Variants in METTL9 observed in about 807,000 individuals in gnomAD.
METTL9 encodes protein-L-histidine N-pros-methyltransferase.
Under a neutral mutation model 36.0 loss-of-function variants are expected in METTL9, and 10 were observed. That is an observed-to-expected ratio of 0.28 (90% CI 0.17 to 0.47). The LOEUF (loss-of-function observed/expected upper bound fraction) is 0.47. METTL9 is among the 20% of genes least tolerant of loss of function. The probability of loss-of-function intolerance (pLI) is 0.99; values close to 1 mark genes in which losing one functional copy is unlikely to be tolerated. For missense variants in METTL9, 246 were observed against 383.5 expected (o/e 0.64, Z 3.00); for synonymous variants, 175 against 149.7 (o/e 1.17, Z -1.23).
At chr16:21,647,088 G>C in intron 4 of METTL9, 1 of 1,613,258 alleles carries the variant, frequency 6.2e-7, no homozygotes. Context: ...TTACAGGCCT[G>C]AACAAGATGC....
intron 4 of METTL9, chr16:21,627,013 T>C: frequency 1.0e-6 from 1 of 985,432 alleles, no homozygotes; most frequent in Middle Eastern, 5.2e-4. Flanking sequence ...ATTGTGGATG[T>C]GCAGAGCTGC....
intron 3 of METTL9, among the ~76,000 whole-genome samples, chr16:21,620,604 A>G (rs1036320036): frequency 1.3e-5 from 2 of 152,220 alleles, no homozygotes; most frequent in Admixed American, 6.5e-5. Context: ...TGGAGTGTAC[A>G]TGGTATGTAA....
chr16:21,636,979 CGCTGACTTCAGGAGT>C (rs1398651091), intron 4 of METTL9, among the ~76,000 whole-genome samples: 13 of 152,140 alleles, frequency 8.5e-5, no homozygotes, highest in Admixed American at 7.9e-4. Context: ...TTCTTGGTCT[CGCTGACTTCAGGAGT>C]GAAGCTGCAG....
chr16:21,655,503 C>T lies in METTL9; in HGVS notation c.*71C>T. On this transcript the variant is annotated 3_prime_UTR_variant, in exon 5 of 5. Coordinates refer to ENST00000358154, the MANE Select transcript of METTL9 (RefSeq NM_016025.5). ...GCCCTTGGAAGAGGGTCTGTGTTCACAATTACGTGAAGGGAGGACCCTTGG... is the reference window on the plus strand; with the variant it reads ...GCCCTTGGAAGAGGGTCTGTGTTCATAATTACGTGAAGGGAGGACCCTTGG... 7.4e-7 allele frequency: 1 copy of T among 1,353,022 alleles called. No individual in the cohort carries two copies. The highest frequency in any genetic ancestry group is 1.3e-5 in the South Asian group (1 of 75,344). The allele number at this position is 1,353,022 out of a possible 1,614,324, so 83.8% of individuals were successfully genotyped here.
intron 1 of METTL9, among the ~76,000 whole-genome samples, chr16:21,605,530 C>T (rs1965261814): frequency 6.6e-6 from 1 of 151,866 alleles, no homozygotes; most frequent in South Asian, 2.1e-4. Flanking sequence ...CAGGCGTGAG[C>T]CACTGCTCCT....
intron 4 of METTL9, chr16:21,644,391 T>G: frequency 6.2e-7 from 1 of 1,608,988 alleles, no homozygotes; most frequent in South Asian, 1.1e-5. Flanking sequence ...CTGAGCAGCT[T>G]AATTTCTTAA....
chr16:21,619,587 ATTTTTTT>A (rs35728063), intron 3 of METTL9, among the ~76,000 whole-genome samples: 107 of 124,220 alleles, frequency 8.6e-4, no homozygotes, highest in Admixed American at 1.1e-3. Flanking sequence ...TGCCCGGCTA[ATTTTTTT>A]TTTTTTTTTT....
chr16:21,605,782 T>G (rs144476839), intron 1 of METTL9, among the ~76,000 whole-genome samples: 1 of 152,286 alleles, frequency 6.6e-6, no homozygotes, highest in Non-Finnish European at 1.5e-5. Flanking sequence ...ACATCAGCCA[T>G]TCTCTAATTT....
intron 4 of METTL9, chr16:21,644,430 T>C (rs1325171206): frequency 7.1e-7 from 1 of 1,408,032 alleles, no homozygotes; most frequent in Admixed American, 1.7e-5. Flanking sequence ...GCACATTGAC[T>C]ATTAAAGCCT....
intron 4 of METTL9, chr16:21,652,346 A>G: frequency 4.1e-6 from 2 of 490,164 alleles, no homozygotes; most frequent in South Asian, 3.8e-5. Flanking sequence ...TTAATATGAA[A>G]CTTTTTCTCA....
intron 4 of METTL9, among the ~76,000 whole-genome samples, chr16:21,635,102 CT>C (rs1235509493): frequency 6.6e-6 from 1 of 152,150 alleles, no homozygotes; most frequent in Non-Finnish European, 1.5e-5. Flanking sequence ...AGGGTTTGAT[CT>C]AACAGTAGCA....
intron 2 of METTL9, among the ~76,000 whole-genome samples, chr16:21,613,928 T>C (rs1221540175): frequency 6.6e-6 from 1 of 151,458 alleles, no homozygotes; most frequent in Admixed American, 6.6e-5. Flanking sequence ...ACAGGCTCAA[T>C]GGTTAAGAAG....
At position 21,629,430 on chromosome 16, in the gene METTL9, C is replaced by T. The variant is rs535827410; in HGVS notation, c.751+4315C>T. ...AGCAGCCTGTACCTAGAAAGAGGGT[C>T]CTCACCAGAACTCATAAATTTCTAT... On this transcript the variant is annotated intron_variant, in intron 4 of 4. Coordinates refer to ENST00000358154, the MANE Select transcript of METTL9 (RefSeq NM_016025.5). 5.9e-5 allele frequency among the ~76,000 whole-genome samples: 9 copies of T among 152,234 alleles called. No homozygotes were observed. The South Asian group carries it at 1.9e-3, about 31-fold the overall frequency.
chr16:21,620,921 T>G lies in METTL9; in HGVS notation c.566+2847T>G, dbSNP rs990663223. ...TCTTCCTTTTGAGATTAGAGCTATT[T>G]TCTATTTCTCTTCAATATCTGGGCC... On this transcript the variant is annotated intron_variant, in intron 3 of 4. Transcript: ENST00000358154. Among the ~76,000 whole-genome samples the G allele has an allele frequency of 1.3e-4, 20 of 152,170 alleles. 1 individual carries two copies. Among genetic ancestry groups the G allele is most frequent in the African/African-American group, 4.8e-4 (20 of 41,540 alleles).
intron 1 of METTL9, among the ~76,000 whole-genome samples, chr16:21,606,497 T>C (rs879744159): frequency 2.0e-5 from 3 of 152,144 alleles, no homozygotes; most frequent in Non-Finnish European, 4.4e-5. Flanking sequence ...ATCATATCAA[T>C]GTATTCAGCA....
intron 4 of METTL9, among the ~76,000 whole-genome samples, chr16:21,630,493 C>T (rs1004177413): frequency 2.0e-5 from 3 of 152,204 alleles, no homozygotes; most frequent in African/African-American, 4.8e-5. Context: ...GCTGCTAGCA[C>T]GTTGTCACCT....
Position 21,631,210 on chromosome 16 carries a change from A to G in METTL9, c.751+6095A>G, listed in dbSNP as rs139259106. Among the ~76,000 whole-genome samples the G allele has an allele frequency of 8.9e-3, 1,349 of 152,254 alleles. 49 individuals carry two copies. The highest frequency in any genetic ancestry group is 0.083 in the East Asian group (429 of 5,186). ...GCAGTAGCCATTCCTAACCCTATAA[A>G]TAGGGGTATTAGTTGTATGGCTCTG... is the stretch of plus-strand genomic sequence containing the variant. On this transcript the variant is annotated intron_variant, in intron 4 of 4. Coordinates refer to ENST00000358154, the MANE Select transcript of METTL9 (RefSeq NM_016025.5).
intron 4 of METTL9, chr16:21,643,735 T>C: frequency 1.7e-6 from 1 of 600,376 alleles, no homozygotes; most frequent in South Asian, 2.3e-5. Context: ...TTACATCATT[T>C]TTGAGATGCT....
In METTL9 at chr16:21,599,661, GCCGGAGGCGGCGGTGC is replaced by G; in HGVS notation, c.-71_-56del. On this transcript the variant is annotated 5_prime_UTR_variant, in exon 1 of 5. The change abolishes the stop of an existing upstream ORF in the 5' untranslated region. Transcript: ENST00000358154. The surrounding 1 kb of genome is among the most constrained non-coding windows in gnomAD (Gnocchi z 4.4). ...TCGAGCTCGGGCGGTGGCGGCGGTG[GCCGGAGGCGGCGGTGC>G]CTCCTCCTCCTCGCCCCGGCGCCGG... 7.4e-7 allele frequency: 1 copy of G among 1,353,440 alleles called. No individual in the cohort carries two copies. The highest frequency in any genetic ancestry group is 9.4e-7 in the Non-Finnish European group (1 of 1,062,146). The allele number at this position is 1,353,440 out of a possible 1,614,324, so 83.8% of individuals were successfully genotyped here. A position where few individuals can be genotyped will look rare whatever the true frequency, so the allele number is the denominator to read the frequency against.
Sources: gnomAD v4.1 joint callset for allele counts (sites outside exome capture counted in the v4.1 genomes callset) on GRCh38, gnomAD v4.1.1 for gene constraint, Gnocchi (gnomAD v3.1) non-coding constraint, MANE v1.5 for transcripts, NCBI Gene and HGNC (gene_info 2026-07-23, HGNC 2026-07-21) for gene names.